The following RBMS3 variants were observed in gnomAD, a reference collection of about 807,000 sequenced individuals.
RBMS3 encodes the protein RNA-binding motif, single-stranded-interacting protein 3.
RBMS3 carries 27 observed loss-of-function variants against 66.8 expected under a neutral mutation model. The ratio of observed to expected loss-of-function variants is 0.40; its 90% CI spans 0.30 to 0.56. The LOEUF is 0.56. RBMS3 is among the 20% of genes least tolerant of loss of function. The pLI, the probability that RBMS3 is intolerant of heterozygous loss-of-function variation, is 0.40. For synonymous variants in RBMS3, 188 were observed against 183.0 expected (o/e 1.03, Z -0.22); for missense variants, 513 against 549.5 (o/e 0.93, Z 0.66).
intron 4 of RBMS3, among the ~76,000 whole-genome samples, chr3:29,621,840 T>C (rs1367716488): frequency 6.6e-6 from 1 of 152,070 alleles, no homozygotes; most frequent in Non-Finnish European, 1.5e-5. Context: ...CATATACCTG[T>C]AGAAAAAAGA....
chr3:29,402,220 A>G (rs991979083), intron 1 of RBMS3, among the ~76,000 whole-genome samples: 7 of 152,080 alleles, frequency 4.6e-5, no homozygotes, highest in Non-Finnish European at 1.0e-4. Context: ...AGAGGCTCCT[A>G]TGTAGGAAAC....
chr3:29,826,949 C>T (rs2058227143), intron 6 of RBMS3, among the ~76,000 whole-genome samples: 1 of 152,142 alleles, frequency 6.6e-6, no homozygotes, highest in Admixed American at 6.6e-5. Context: ...CACACACACA[C>T]ATCTTTACCA....
chr3:29,530,836 C>T (rs1465059044), intron 3 of RBMS3, among the ~76,000 whole-genome samples: 2 of 150,782 alleles, frequency 1.3e-5, no homozygotes, highest in Non-Finnish European at 2.9e-5. Flanking sequence ...CGCGCCACTA[C>T]ACTCCAGCCT....
intron 1 of RBMS3, among the ~76,000 whole-genome samples, chr3:29,324,639 G>GCCC (rs202199067): frequency 0.021 from 3,185 of 152,176 alleles, 118 homozygotes; most frequent in African/African-American, 0.073. Context: ...GCTCCAAGAT[G>GCCC]TTTCCCCTGT....
At chr3:29,920,345 A>G (rs2060738954) in intron 10 of RBMS3, among the ~76,000 whole-genome samples, 1 of 152,214 alleles carries the variant, frequency 6.6e-6, no homozygotes, top group African/African-American at 2.4e-5. Context: ...AGTATGAGTA[A>G]ATTGGAAAGT....
At chr3:29,869,793 C>T (rs912770649) in intron 7 of RBMS3, among the ~76,000 whole-genome samples, 6 of 152,138 alleles carry the variant, frequency 3.9e-5, no homozygotes, top group Non-Finnish European at 8.8e-5. Flanking sequence ...CAAGGCCATA[C>T]TTTCAAGAGA....
intron 4 of RBMS3, among the ~76,000 whole-genome samples, chr3:29,634,766 G>C (rs9839626): frequency 0.31 from 46,629 of 151,524 alleles, 7,497 homozygotes; most frequent in African/African-American, 0.38. Flanking sequence ...GGACAATAAC[G>C]TTTTCTAATA....
At chr3:29,693,437 G>A (rs1258811646) in intron 4 of RBMS3, among the ~76,000 whole-genome samples, 1 of 152,076 alleles carries the variant, frequency 6.6e-6, no homozygotes, top group Admixed American at 6.6e-5. Flanking sequence ...CCAAGTCATG[G>A]GCAAATATAT....
intron 1 of RBMS3, among the ~76,000 whole-genome samples, chr3:29,363,919 G>A (rs2037754174): frequency 6.6e-6 from 1 of 151,444 alleles, no homozygotes; most frequent in East Asian, 1.9e-4. Context: ...ATTATTTAAT[G>A]TGGCAAAGAT....
At chr3:29,689,460 T>C (rs913564305) in intron 4 of RBMS3, among the ~76,000 whole-genome samples, 3 of 152,204 alleles carry the variant, frequency 2.0e-5, no homozygotes, top group African/African-American at 7.2e-5. Context: ...AAAATTGGGC[T>C]GACAAAGCAG....
At chr3:29,691,017 T>C (rs138199928) in intron 4 of RBMS3, among the ~76,000 whole-genome samples, 4 of 152,328 alleles carry the variant, frequency 2.6e-5, no homozygotes, top group Non-Finnish European at 4.4e-5. Context: ...GGTTTATACA[T>C]GTTTGGAGGA....
intron 3 of RBMS3, among the ~76,000 whole-genome samples, chr3:29,533,891 T>C (rs1283426292): frequency 6.6e-6 from 1 of 152,230 alleles, no homozygotes; most frequent in African/African-American, 2.4e-5. Flanking sequence ...TTAAATGCCC[T>C]GTGATTAAAA....
intron 3 of RBMS3, among the ~76,000 whole-genome samples, chr3:29,532,237 C>CATACAT (rs2045380447): frequency 2.2e-5 from 2 of 92,136 alleles, no homozygotes; most frequent in African/African-American, 6.3e-5. Flanking sequence ...TTTAATTTCG[C>CATACAT]ATATATATGT....
rs185574785 is a variant in RBMS3, at chr3:29,408,978, A to G, written c.76-25765A>G. On this transcript the variant is annotated intron_variant, in intron 1 of 14. Transcript: ENST00000383767. ...TTGCACACTTTATTTTACTCCTGGT[A>G]TAGAATGCAATAGACTATCAGAGTT... Among the ~76,000 whole-genome samples, 116 of 152,328 alleles carry G rather than the reference A, an allele frequency of 7.6e-4. 1 individual carries two copies. The East Asian group carries it at 0.014, about 18-fold the overall frequency.
chr3:29,409,232 C>T (rs1266687468), intron 1 of RBMS3, among the ~76,000 whole-genome samples: 1 of 152,152 alleles, frequency 6.6e-6, no homozygotes. Context: ...ATTGACAGAG[C>T]AGGCCTCTGC....
intron 12 of RBMS3, among the ~76,000 whole-genome samples, chr3:29,976,357 T>C (rs1697585305): frequency 6.6e-6 from 1 of 152,072 alleles, no homozygotes; most frequent in African/African-American, 2.4e-5. Flanking sequence ...TGTATTCACC[T>C]CCTGGATGAT....
At chr3:29,828,128 C>T (rs565620363) in intron 6 of RBMS3, among the ~76,000 whole-genome samples, 1 of 151,974 alleles carries the variant, frequency 6.6e-6, no homozygotes, top group Admixed American at 6.6e-5. Flanking sequence ...TAGCACAGAA[C>T]TGTTCAGCTA....
At chr3:29,491,546 C>A (rs2043544246) in intron 3 of RBMS3, among the ~76,000 whole-genome samples, 1 of 151,976 alleles carries the variant, frequency 6.6e-6, no homozygotes, top group African/African-American at 2.4e-5. Flanking sequence ...ACTTTTATCT[C>A]TAGTGATATG....
chr3:29,946,934 A>G (rs4613414), intron 12 of RBMS3, among the ~76,000 whole-genome samples: 131,260 of 151,494 alleles, frequency 0.87, 57,270 homozygotes, highest in East Asian at 0.99. Flanking sequence ...TGCAGGGTTA[A>G]TATTTACTAG....
Sources: allele counts gnomAD v4.1 joint callset (sites outside exome capture counted in the v4.1 genomes callset), GRCh38; gene constraint gnomAD v4.1.1; transcripts MANE v1.5; gene names NCBI Gene and HGNC (gene_info 2026-07-23, HGNC 2026-07-21).